The following GABBR2 variants were observed in gnomAD, a reference collection of about 807,000 sequenced individuals.
GABBR2 encodes the protein G-protein coupled receptor 51.
A neutral mutation model predicts 105.6 loss-of-function variants in GABBR2; 23 were observed. The observed-to-expected ratio is 0.22, with a 90% CI of 0.16 to 0.31. The LOEUF (loss-of-function observed/expected upper bound fraction) is 0.31, where lower values mean the gene tolerates loss of function less well. Among genes scored for constraint, GABBR2 ranks in the 10% least tolerant of loss-of-function variants. The pLI, the probability that GABBR2 is intolerant of heterozygous loss-of-function variation, is 1.00. For synonymous variants in GABBR2, 478 were observed against 499.7 expected, an observed-to-expected ratio of 0.96 and a Z score of 0.58; for missense variants, 734 against 1,245.5, an observed-to-expected ratio of 0.59 and a Z score of 6.18.
At chr9:98,708,340 C>A in intron 1 of GABBR2, 77 bp downstream of exon 1, 1 of 1,275,564 alleles carries the variant, frequency 7.8e-7, no homozygotes, top group Non-Finnish European at 1.0e-6. Flanking sequence ...TGACCAAAGG[C>A]CGGAGGTTGC....
At chr9:98,575,079 A>C (rs1007824394) in intron 2 of GABBR2, among the ~76,000 whole-genome samples, 3 of 89,286 alleles carry the variant, frequency 3.4e-5, no homozygotes, top group African/African-American at 1.5e-4. Flanking sequence ...ACATTTATAA[A>C]CACCACCACC....
intron 7 of GABBR2, among the ~76,000 whole-genome samples, chr9:98,443,176 A>T (rs1826062104): frequency 6.6e-6 from 1 of 152,148 alleles, no homozygotes; most frequent in Admixed American, 6.5e-5. Context: ...TCATTATGGT[A>T]ATTTGCTGTG....
At chr9:98,467,532 C>A (rs1826585414) in intron 6 of GABBR2, among the ~76,000 whole-genome samples, 1 of 152,308 alleles carries the variant, frequency 6.6e-6, no homozygotes, top group East Asian at 1.9e-4. Flanking sequence ...TCCGCAGCAC[C>A]TTTCCTTCCT....
intron 3 of GABBR2, among the ~76,000 whole-genome samples, chr9:98,532,142 T>TGTA (rs1272453396): frequency 1.1e-4 from 16 of 152,236 alleles, no homozygotes; most frequent in African/African-American, 3.6e-4. Flanking sequence ...ATATTAAGAT[T>TGTA]GTACAAAAAT....
At chr9:98,308,708 G>A (rs780926271) in intron 14 of GABBR2, among the ~76,000 whole-genome samples, 16 of 152,174 alleles carry the variant, frequency 1.1e-4, no homozygotes, top group Non-Finnish European at 1.9e-4. Flanking sequence ...ATCAGGTGCC[G>A]GAAGAGGCAA....
intron 12 of GABBR2, among the ~76,000 whole-genome samples, chr9:98,367,550 T>C (rs1158820919): frequency 6.6e-6 from 1 of 152,054 alleles, no homozygotes; most frequent in Admixed American, 6.6e-5. Flanking sequence ...AGATGGATGG[T>C]GATGATGGTT....
intron 1 of GABBR2, among the ~76,000 whole-genome samples, chr9:98,687,989 A>T (rs1224497189): frequency 6.6e-6 from 1 of 152,198 alleles, no homozygotes; most frequent in African/African-American, 2.4e-5. Flanking sequence ...ACCCCTTCTC[A>T]GCAGACCTGG....
intron 13 of GABBR2, among the ~76,000 whole-genome samples, chr9:98,322,866 A>G (rs933020706): frequency 1.3e-5 from 2 of 152,096 alleles, no homozygotes; most frequent in South Asian, 2.1e-4. Context: ...TGTTAGAGGT[A>G]TCTGTGTTGG....
At chr9:98,432,422 A>G (rs138459963) in intron 7 of GABBR2, among the ~76,000 whole-genome samples, 67 of 152,312 alleles carry the variant, frequency 4.4e-4, no homozygotes, top group Non-Finnish European at 7.5e-4. Context: ...CTGGCATGAC[A>G]GTGCAAACTT....
chr9:98,694,708 A>C (rs1424040363), intron 1 of GABBR2, among the ~76,000 whole-genome samples: 1 of 152,206 alleles, frequency 6.6e-6, no homozygotes, highest in African/African-American at 2.4e-5. Flanking sequence ...ACAGCTTCTT[A>C]AAGCCCTTTC....
chr9:98,330,571 C>T (rs1727107596), intron 13 of GABBR2, among the ~76,000 whole-genome samples: 1 of 152,204 alleles, frequency 6.6e-6, no homozygotes, highest in African/African-American at 2.4e-5. Context: ...ACCCGACAAT[C>T]ATTTAGCCTT....
chr9:98,328,205 C>T (rs1230909287), intron 13 of GABBR2, among the ~76,000 whole-genome samples: 3 of 151,838 alleles, frequency 2.0e-5, no homozygotes, highest in Non-Finnish European at 2.9e-5. Flanking sequence ...GTGCTTCCTC[C>T]CCCTAGACTT....
At position 98,481,089 on chromosome 9, in the gene GABBR2, T is replaced by G; in HGVS notation, c.733-92A>C. On this transcript the variant is annotated intron_variant, in intron 4 of 18. Coordinates refer to ENST00000259455, the MANE Select transcript of GABBR2 (RefSeq NM_005458.8). ...GTGGCAGACAACATTCCTTCACCTCTGGCTCTTAGCCCAGAGCTCTGCCTG... is the reference window on the plus strand; with the variant it reads ...GTGGCAGACAACATTCCTTCACCTCGGGCTCTTAGCCCAGAGCTCTGCCTG... The G allele has an allele frequency of 3.7e-6, 3 of 820,732 alleles. 1 individual carries two copies. In the South Asian group the frequency reaches 4.1e-5, roughly 11 times the overall value. The allele number at this position is 820,732 out of a possible 1,614,324, so 50.8% of individuals were successfully genotyped here.
chr9:98,301,540 C>T (rs73490778), intron 16 of GABBR2, among the ~76,000 whole-genome samples: 11,783 of 152,190 alleles, frequency 0.077, 1,564 homozygotes, highest in African/African-American at 0.27. Flanking sequence ...AATTGTTTAA[C>T]ACGTTTTCAT....
chr9:98,687,988 C>G (rs1258590133), intron 1 of GABBR2, among the ~76,000 whole-genome samples: 2 of 152,218 alleles, frequency 1.3e-5, no homozygotes, highest in Non-Finnish European at 2.9e-5. Context: ...CACCCCTTCT[C>G]AGCAGACCTG....
At chr9:98,425,063 A>C (rs1200521691) in intron 7 of GABBR2, among the ~76,000 whole-genome samples, 1 of 152,154 alleles carries the variant, frequency 6.6e-6, no homozygotes, top group Admixed American at 6.6e-5. Flanking sequence ...ACACTGCTTA[A>C]TGAAAAGGAA....
At chr9:98,351,100 C>T (rs1831391648) in intron 13 of GABBR2, among the ~76,000 whole-genome samples, 1 of 151,998 alleles carries the variant, frequency 6.6e-6, no homozygotes, top group Non-Finnish European at 1.5e-5. Flanking sequence ...GTTATCCATT[C>T]CTTCACTTTC....
intron 4 of GABBR2, 89 bp downstream of exon 4, chr9:98,496,323 CA>C: frequency 1.2e-6 from 1 of 841,576 alleles, no homozygotes. Context: ...AGACCCAGAC[CA>C]AACTTGAGGC....
At chr9:98,569,178 C>T (rs147714659) in intron 2 of GABBR2, among the ~76,000 whole-genome samples, 90 of 152,274 alleles carry the variant, frequency 5.9e-4, no homozygotes, top group East Asian at 4.8e-3. Flanking sequence ...TGTGCCTCAT[C>T]GTACTGCTAC....
Sources: allele counts gnomAD v4.1 joint callset (sites outside exome capture counted in the v4.1 genomes callset), GRCh38; gene constraint gnomAD v4.1.1; transcripts MANE v1.5; gene names NCBI Gene and HGNC (gene_info 2026-07-23, HGNC 2026-07-21).